The following TRPC4AP variants were observed in gnomAD, a reference collection of about 807,000 sequenced individuals.
The protein encoded by TRPC4AP is short transient receptor potential channel 4-associated protein.
TRPC4AP carries 45 observed loss-of-function variants against 99.0 expected under a neutral mutation model. The ratio of observed to expected loss-of-function variants is 0.45; its 90% confidence interval spans 0.36 to 0.58. The LOEUF (loss-of-function observed/expected upper bound fraction) is 0.58, where lower values mean the gene tolerates loss of function less well. Ranked by LOEUF, TRPC4AP falls within the 20% of genes least tolerant of loss-of-function variation. TRPC4AP has a pLI of 0.00. For missense variants in TRPC4AP, 879 were observed against 985.3 expected (o/e 0.89, Z 1.44); for synonymous variants, 408 against 385.8 (o/e 1.06, Z -0.67).
chr20:35,051,224 T>G (rs2083692434), intron 5 of TRPC4AP, among the ~76,000 whole-genome samples: 1 of 152,098 alleles, frequency 6.6e-6, no homozygotes. Context: ...ACACACACAG[T>G]TTGGTAAATG....
chr20:35,059,268 T>TTTGTTGCC (rs2083917517), intron 3 of TRPC4AP, among the ~76,000 whole-genome samples: 2 of 152,220 alleles, frequency 1.3e-5, no homozygotes, highest in South Asian at 4.2e-4. Flanking sequence ...CAAAAGTGAT[T>TTTGTTGCC]ATAAGGAACT....
At chr20:35,083,962 TAA>T (rs202216379) in intron 1 of TRPC4AP, among the ~76,000 whole-genome samples, 5 of 140,390 alleles carry the variant, frequency 3.6e-5, no homozygotes, top group African/African-American at 5.2e-5. Context: ...ATGATTTCTT[TAA>T]AAAAAAAAAA....
chr20:35,026,434 T>C (rs1435232069), intron 8 of TRPC4AP, among the ~76,000 whole-genome samples: 2 of 152,146 alleles, frequency 1.3e-5, no homozygotes, highest in African/African-American at 4.8e-5. Flanking sequence ...CAGGCTGGCC[T>C]CAAACTCCTG....
chr20:35,006,462 G>T lies in TRPC4AP; in HGVS notation c.1800C>A (p.Phe600Leu). 6.2e-7 allele frequency: 1 copy of T among 1,614,200 alleles called. No individual in the cohort carries two copies. The highest frequency in any genetic ancestry group is 1.7e-5 in the Admixed American group (1 of 60,026). The change falls in exon 15 of 19, where the codon TTC becomes TTA. Residue 600 changes from phenylalanine (F) to leucine (L), a missense_variant. Phe to Leu is a conservative substitution (Grantham distance 22, BLOSUM62 0). This residue lies in a region of TRPC4AP where 224 missense variants were observed against 264.7 expected (regional missense o/e 0.85). Transcript: ENST00000252015. Reference sequence around the variant, plus strand: ...TTGCATCGGTGTTGATATATTTATTGAATCTCTTGAATGCATCAACGTTGA... The same window carrying T: ...TTGCATCGGTGTTGATATATTTATTTAATCTCTTGAATGCATCAACGTTGA... The part of the protein sequence containing the change: ...MKFNVDAFKR[F>L]NKYINTDAKF...
intron 15 of TRPC4AP, among the ~76,000 whole-genome samples, chr20:35,006,181 G>A (rs1200746178): frequency 2.0e-5 from 3 of 152,012 alleles, no homozygotes; most frequent in Non-Finnish European, 2.9e-5. Context: ...ACCATGCTGC[G>A]TCACGGCAGG....
intron 1 of TRPC4AP, among the ~76,000 whole-genome samples, chr20:35,084,919 ATACT>A (rs1475218235): frequency 6.6e-6 from 1 of 152,202 alleles, no homozygotes; most frequent in East Asian, 1.9e-4. Context: ...CATAATGTAA[ATACT>A]TAACAACAGC....
chr20:35,021,254 A>G lies in TRPC4AP; in HGVS notation c.1154T>C (p.Ile385Thr). ...LPQSMKIMHE[I>T]MYKLEVLYVL... ...ATAGAGCACTTCCAGTTTGTACATG[A>G]TCTCATGCATAATCTTCATTGACTG... The change falls in exon 9 of 19, where the codon ATC (isoleucine) becomes ACC (threonine). Residue 385 changes from isoleucine to threonine, a missense_variant. By Grantham distance (89) the Ile-to-Thr change is moderately conservative. Transcript: ENST00000252015. 1 of 1,614,126 alleles carries G rather than the reference A, an allele frequency of 6.2e-7. No homozygotes were observed. Among genetic ancestry groups the G allele is most frequent in the Non-Finnish European group, 8.5e-7 (1 of 1,180,020 alleles).
At position 35,092,264 on chromosome 20, in the gene TRPC4AP, C is replaced by T. The variant is rs147462448; in HGVS notation, c.168+350G>A. 1.2e-3 allele frequency among the ~76,000 whole-genome samples: 188 copies of T among 152,184 alleles called. 1 individual carries two copies. The highest frequency in any genetic ancestry group is 3.4e-3 in the Middle Eastern group (1 of 294). ...GACCCCCTCCCCCACGCCCAATACA[C>T]GGGATAAACTCGAGGCCCACAGAGG... is the stretch of plus-strand genomic sequence containing the variant. On this transcript the variant is annotated intron_variant, in intron 1 of 18. Coordinates refer to ENST00000252015, the MANE Select transcript of TRPC4AP (RefSeq NM_015638.3).
chr20:35,089,356 A>C (rs1427170286), intron 1 of TRPC4AP, among the ~76,000 whole-genome samples: 1 of 150,748 alleles, frequency 6.6e-6, no homozygotes, highest in African/African-American at 2.4e-5. Context: ...GTTCCTGAGC[A>C]GCTGGGACTA....
At chr20:35,048,485 T>C (rs1176722208) in intron 6 of TRPC4AP, among the ~76,000 whole-genome samples, 3 of 152,136 alleles carry the variant, frequency 2.0e-5, no homozygotes, top group Non-Finnish European at 2.9e-5. Flanking sequence ...TCCCAAAGTG[T>C]TGGAATTACA....
intron 8 of TRPC4AP, among the ~76,000 whole-genome samples, chr20:35,025,506 C>T (rs2083006663): frequency 6.6e-6 from 1 of 152,164 alleles, no homozygotes; most frequent in African/African-American, 2.4e-5. Context: ...TCCCTGACGG[C>T]TAATGATGGT....
rs1419377473 is a variant in TRPC4AP at position 35,068,033 on chromosome 20, G to T, written c.414+1263C>A. ...ATATGAACCATATCTTAATAAAGCT[G>T]ATTAAAAAAAACTATGGAAAAATAT... On this transcript the variant is annotated intron_variant, in intron 3 of 18. Transcript: ENST00000252015. Among the ~76,000 whole-genome samples the T allele has an allele frequency of 2.6e-5, 4 of 152,190 alleles. No individual in the cohort carries two copies. The East Asian group carries it at 7.7e-4, about 29-fold the overall frequency.
At chr20:35,084,496 C>CGTATATATGTG (rs2084749175) in intron 1 of TRPC4AP, among the ~76,000 whole-genome samples, 2 of 55,118 alleles carry the variant, frequency 3.6e-5, no homozygotes, top group East Asian at 2.3e-3. Context: ...ATGTATATAT[C>CGTATATATGTG]TATATATGTA....
At chr20:35,044,806 G>A in intron 6 of TRPC4AP, 94 bp from the exon 7 acceptor site, 4 of 1,211,974 alleles carry the variant, frequency 3.3e-6, no homozygotes, top group Non-Finnish European at 4.8e-6. Flanking sequence ...ACGGGGCTTA[G>A]TGGCTAGATC....
At position 35,086,737 on chromosome 20, in the gene TRPC4AP, A is replaced by T. The variant is rs577447299; in HGVS notation, c.168+5877T>A. Among the ~76,000 whole-genome samples the T allele has an allele frequency of 1.9e-4, 29 of 151,974 alleles. No individual in the cohort carries two copies. The East Asian group carries it at 4.6e-3, about 24-fold the overall frequency. On this transcript the variant is annotated intron_variant, in intron 1 of 18. Coordinates refer to ENST00000252015, the MANE Select transcript of TRPC4AP (RefSeq NM_015638.3). ...AGTAGTGCCTAATGAAATTTTTTTT[A>T]AAAGTTAGTGAATCTGGCTGGGCAC...
rs773279796 is a variant in TRPC4AP at position 35,054,985 on chromosome 20, G to A, written c.519C>T (p.Thr173=). The A allele has an allele frequency of 5.6e-6, 9 of 1,613,396 alleles. No individual in the cohort carries two copies. Among genetic ancestry groups the A allele is most frequent in the South Asian group, 1.1e-5 (1 of 91,004 alleles). The change falls in exon 5 of 19, where the codon ACC becomes ACT. Residue 173 remains threonine, a synonymous_variant. Coordinates refer to ENST00000252015, the MANE Select transcript of TRPC4AP (RefSeq NM_015638.3). ...SKDCLSILYN[T]CVCTEGVTKR... ...TGGCAGGGGTACTTACACAGACACAGGTATTATACAGGATACTCAAGCAGT... is the reference window on the plus strand; with the variant it reads ...TGGCAGGGGTACTTACACAGACACAAGTATTATACAGGATACTCAAGCAGT...
At chr20:35,048,833 T>C (rs1184773909) in intron 6 of TRPC4AP, among the ~76,000 whole-genome samples, 1 of 152,052 alleles carries the variant, frequency 6.6e-6, no homozygotes, top group Non-Finnish European at 1.5e-5. Flanking sequence ...AACACACAAT[T>C]ACTGGAATAA....
intron 1 of TRPC4AP, among the ~76,000 whole-genome samples, chr20:35,091,770 T>C (rs2085074344): frequency 6.6e-6 from 1 of 152,152 alleles, no homozygotes; most frequent in African/African-American, 2.4e-5. Context: ...ATTAACTACC[T>C]TCAGCCCTTA....
intron 11 of TRPC4AP, 120 bp from the exon 12 acceptor site, chr20:35,010,408 G>C: frequency 1.3e-6 from 1 of 774,664 alleles, no homozygotes. Context: ...AAGCCACCAG[G>C]CACTTTCCTC....
Sources: allele counts gnomAD v4.1 joint callset (sites outside exome capture counted in the v4.1 genomes callset), GRCh38; gene constraint gnomAD v4.1.1; regional missense constraint gnomAD v4.1.1; transcripts MANE v1.5; gene names NCBI Gene and HGNC (gene_info 2026-07-23, HGNC 2026-07-21).